The following OCRL variants were observed in gnomAD, a reference collection of about 807,000 sequenced individuals.
The protein encoded by OCRL is inositol polyphosphate 5-phosphatase OCRL.
Under a neutral mutation model 78.9 loss-of-function variants are expected in OCRL, and 8 were observed. That is an observed-to-expected ratio of 0.10 (90% CI 0.06 to 0.18). The LOEUF (loss-of-function observed/expected upper bound fraction) is 0.18, where lower values mean the gene tolerates loss of function less well. OCRL is among the 10% of genes least tolerant of loss of function. The pLI, the probability that OCRL is intolerant of heterozygous loss-of-function variation, is 1.00. For synonymous variants in OCRL, 240 were observed against 235.4 expected (o/e 1.02, Z -0.18); for missense variants, 454 against 696.7 (o/e 0.65, Z 3.92).
rs977508605 is a variant in OCRL at position 129,576,630 on chromosome X, T to A, written c.2115+78T>A. The A allele has an allele frequency of 1.8e-5, 14 of 790,004 alleles. No homozygotes were observed. In the African/African-American group the frequency reaches 2.9e-4, roughly 16 times the overall value. 65.1% of individuals were successfully genotyped at this position (790,004 alleles called of 1,213,427 possible). ...TTAAGTGACGTCCTCATTATCTTTG[T>A]GCTTTCTGTCTTCTTTTGGCCACGG... On this transcript the variant is annotated intron_variant, in intron 18 of 23. Transcript: ENST00000371113.
intron 19 of OCRL, among the ~76,000 whole-genome samples, chrX:129,584,568 C>G (rs759304328): frequency 9.0e-6 from 1 of 111,700 alleles, no homozygotes; most frequent in Admixed American, 9.5e-5. Flanking sequence ...CATTGAGACT[C>G]AGTACATAAA....
At chrX:129,555,709 G>A (rs1368851725) in intron 4 of OCRL, among the ~76,000 whole-genome samples, 1 of 111,887 alleles carries the variant, frequency 8.9e-6, no homozygotes, top group Non-Finnish European at 1.9e-5. Context: ...GTTATTTTGT[G>A]AGCAATTTCT....
chrX:129,545,162 A>G, intron 3 of OCRL, 125 bp downstream of exon 3: 1 of 478,769 alleles, frequency 2.1e-6, no homozygotes, highest in Non-Finnish European at 3.7e-6. Context: ...TCTTTGCATA[A>G]AAAGATAACA....
chrX:129,576,099 G>GTCC lies in OCRL; in HGVS notation c.1879+39_1879+40insCTC, dbSNP rs4021899. The stretch of plus-strand genomic sequence containing the variant: ...CTTTACCATTGTCTCTGCTGGTGAT[G>GTCC]TCATGACTCCCATCCCCTTGGTTTA... On this transcript the variant is annotated intron_variant, in intron 17 of 23. Coordinates refer to ENST00000371113, the MANE Select transcript of OCRL (RefSeq NM_000276.4). 96,576 of 1,176,418 alleles carry GTCC rather than the reference G, an allele frequency of 0.082. 15,658 individuals are homozygous for GTCC. The highest frequency in any genetic ancestry group is 0.74 in the East Asian group (24,935 of 33,555).
Position 129,585,650 on chromosome X carries a change from A to G in OCRL, c.2139+1283A>G, listed in dbSNP as rs369934269. Among the ~76,000 whole-genome samples, 41 of 112,188 alleles carry G rather than the reference A, an allele frequency of 3.7e-4. 1 individual carries two copies. Among genetic ancestry groups the G allele is most frequent in the Middle Eastern group, 9.1e-3 (2 of 219 alleles). The stretch of plus-strand genomic sequence containing the variant: ...AGACATTCTGGCAACTATTAGGAAC[A>G]TGAATATCAAGTGATAGAATCCCAG... On this transcript the variant is annotated intron_variant, in intron 19 of 23. Coordinates refer to ENST00000371113, the MANE Select transcript of OCRL (RefSeq NM_000276.4).
At position 129,588,211 on chromosome X, in the gene OCRL, A is replaced by G. The variant is rs1936539396; in HGVS notation, c.2289A>G (p.Glu763=). The change falls in exon 21 of 24, where the codon GAA becomes GAG. Residue 763 remains glutamate (E), a synonymous_variant. Coordinates refer to ENST00000371113, the MANE Select transcript of OCRL (RefSeq NM_000276.4). ...EDLFQTPGMQ[E]ELQQIIDCLD... ...TGTTCCAGACCCCTGGAATGCAGGA[A>G]GAGCTCCAGCAGATCATTGATTGTC... 1 of 1,206,888 alleles carries G rather than the reference A, an allele frequency of 8.3e-7. No homozygotes were observed. Among genetic ancestry groups the G allele is most frequent in the African/African-American group, 1.7e-5 (1 of 57,695 alleles).
chrX:129,568,000 G>T (rs1196327204), intron 14 of OCRL, among the ~76,000 whole-genome samples: 2 of 103,263 alleles, frequency 1.9e-5, no homozygotes, highest in Non-Finnish European at 3.9e-5. Flanking sequence ...TGCAAGCTCC[G>T]CTTCCCGGGT....
At chrX:129,577,094 C>T (rs1192310711) in intron 18 of OCRL, among the ~76,000 whole-genome samples, 1 of 111,347 alleles carries the variant, frequency 9.0e-6, no homozygotes, top group Non-Finnish European at 1.9e-5. Flanking sequence ...ATAGAACTAT[C>T]CTGGAACCCT....
chrX:129,579,619 A>G (rs1304622631), intron 18 of OCRL, among the ~76,000 whole-genome samples: 1 of 112,098 alleles, frequency 8.9e-6, no homozygotes, highest in Non-Finnish European at 1.9e-5. Context: ...TGCCACTCCT[A>G]GAATAGTTGA....
intron 22 of OCRL, 146 bp downstream of exon 22, chrX:129,589,159 G>A: frequency 1.6e-6 from 1 of 628,847 alleles, no homozygotes; most frequent in South Asian, 2.4e-5. Flanking sequence ...ATTGAGAGTT[G>A]CTACCCTTAA....
At chrX:129,540,882 A>C in intron 2 of OCRL, 59 bp downstream of exon 2, 3 of 979,771 alleles carry the variant, frequency 3.1e-6, no homozygotes, top group Non-Finnish European at 4.4e-6. Context: ...CCCAACCCCA[A>C]ACCGCGACGG....
At position 129,548,552 on chromosome X, in the gene OCRL, TC is replaced by T. The variant is rs1569457386; in HGVS notation, c.200-7del. On this transcript the variant is annotated splice_polypyrimidine_tract_variant and intron_variant, in intron 3 of 23. Coordinates refer to ENST00000371113, the MANE Select transcript of OCRL (RefSeq NM_000276.4). ...TTCCCTAATCCTACTCTCTTTTTTT[TC>T]CCCTCTCAGAAGCAGAAGAAACTCT... The T allele has an allele frequency of 8.4e-7, 1 of 1,196,044 alleles. No homozygotes were observed.
chrX:129,589,514 A>G (rs921209018), intron 22 of OCRL: 3 of 319,600 alleles, frequency 9.4e-6, no homozygotes, highest in Non-Finnish European at 1.1e-5. Context: ...AAAACCATTC[A>G]GCTTGGTAGG....
At chrX:129,560,460 C>A in intron 8 of OCRL, 90 bp from the exon 9 acceptor site, 1 of 569,334 alleles carries the variant, frequency 1.8e-6, no homozygotes, top group African/African-American at 2.2e-5. Flanking sequence ...ATATTGTGAA[C>A]ATACCTTTGT....
chrX:129,560,777 G>A (rs748158239), intron 9 of OCRL, 126 bp downstream of exon 9: 38 of 467,853 alleles, frequency 8.1e-5, no homozygotes, highest in South Asian at 3.6e-4. Flanking sequence ...GTTAACTTGC[G>A]GGTCAAATTT....
At chrX:129,560,326 T>G (rs1936128206) in intron 8 of OCRL, among the ~76,000 whole-genome samples, 2 of 112,609 alleles carry the variant, frequency 1.8e-5, no homozygotes, top group Admixed American at 9.4e-5. Flanking sequence ...AATAAAGACT[T>G]GGTTTCCTTC....
At chrX:129,543,385 C>T (rs1935836814) in intron 2 of OCRL, among the ~76,000 whole-genome samples, 1 of 112,660 alleles carries the variant, frequency 8.9e-6, no homozygotes, top group Admixed American at 9.4e-5. Context: ...AACACCATTT[C>T]TTGTTTATGT....
intron 4 of OCRL, 74 bp downstream of exon 4, chrX:129,548,675 C>T (rs756404602): frequency 1.4e-5 from 12 of 853,079 alleles, no homozygotes; most frequent in Non-Finnish European, 2.1e-5. Context: ...ATTTAAGACA[C>T]CTTTTGGGGC....
At chrX:129,567,538 A>G (rs1569460271) in intron 14 of OCRL, among the ~76,000 whole-genome samples, 175 bp downstream of exon 14, 1 of 112,236 alleles carries the variant, frequency 8.9e-6, no homozygotes, top group Non-Finnish European at 1.9e-5. Flanking sequence ...ATTTATCTAT[A>G]CTCAAAGGTG....
Sources: allele counts gnomAD v4.1 joint callset (sites outside exome capture counted in the v4.1 genomes callset), GRCh38; gene constraint gnomAD v4.1.1; transcripts MANE v1.5; gene names NCBI Gene and HGNC (gene_info 2026-07-23, HGNC 2026-07-21).